FBXO34: variants seen among roughly 807,000 people sequenced by gnomAD.
FBXO34 encodes F-box only protein 34.
In FBXO34, 12 loss-of-function variants were observed where a neutral mutation model predicts 24.5. That is an observed-to-expected ratio of 0.49 (90% CI 0.31 to 0.79). The LOEUF (loss-of-function observed/expected upper bound fraction) is 0.79. Among genes scored for constraint, FBXO34 ranks in the 30% least tolerant of loss-of-function variants. FBXO34 has a pLI of 0.04. For missense variants in FBXO34, 823 were observed against 857.7 expected, an observed-to-expected ratio of 0.96 and a Z score of 0.51; for synonymous variants, 320 against 311.9, an observed-to-expected ratio of 1.03 and a Z score of -0.27.
chr14:55,370,931 A>T (rs1475628446), downstream of FBXO34, among the ~76,000 whole-genome samples: 3 of 152,034 alleles, frequency 2.0e-5, no homozygotes, highest in Admixed American at 2.0e-4. Flanking sequence ...GTGAGCCACC[A>T]CGCCCGGCCG....
intron 1 of FBXO34, among the ~76,000 whole-genome samples, chr14:55,315,985 T>G (rs1882913681): frequency 6.6e-6 from 1 of 152,220 alleles, no homozygotes; most frequent in African/African-American, 2.4e-5. Flanking sequence ...CATTTTGGAC[T>G]GGTCTTCCAA....
rs115313541 is a variant in FBXO34 at position 55,338,350 on chromosome 14, G to A, written c.-10-12031G>A. Among the ~76,000 whole-genome samples the A allele has an allele frequency of 5.4e-3, 818 of 152,034 alleles. 8 individuals carry two copies. The highest frequency in any genetic ancestry group is 0.019 in the African/African-American group (779 of 41,460). On this transcript the variant is annotated intron_variant, in intron 1 of 1. Coordinates refer to ENST00000313833, the MANE Select transcript of FBXO34 (RefSeq NM_017943.4). ...AGGCATGAGCCACTGCGGCCAGCGAGTATGGACTTCTTTTATGGGTATTGT... is the reference window on the plus strand; with the variant it reads ...AGGCATGAGCCACTGCGGCCAGCGAATATGGACTTCTTTTATGGGTATTGT...
At chr14:55,411,329 C>T in the FBXO34 span, among the ~76,000 whole-genome samples, 4 of 152,200 alleles carry the variant, frequency 2.6e-5, no homozygotes, top group Non-Finnish European at 1.5e-5. Flanking sequence ...AGAGAGTCAC[C>T]ACTTATTCCT....
At chr14:55,395,888 C>A in the FBXO34 span, 1 of 1,318,500 alleles carries the variant, frequency 7.6e-7, no homozygotes, top group Non-Finnish European at 1.0e-6. Flanking sequence ...ATAAGCTCTA[C>A]CAACTTAAAA....
chr14:55,413,011 T>C, the FBXO34 span, among the ~76,000 whole-genome samples: 2 of 152,200 alleles, frequency 1.3e-5, no homozygotes, highest in African/African-American at 4.8e-5. Flanking sequence ...CTGAGCCCTT[T>C]GCTCCTCCGT....
intron 1 of FBXO34, among the ~76,000 whole-genome samples, chr14:55,291,430 T>C (rs1020216122): frequency 2.6e-5 from 4 of 152,198 alleles, no homozygotes; most frequent in African/African-American, 9.6e-5. Flanking sequence ...TTAGGCCAAT[T>C]GTAGCAGAAG....
intron 1 of FBXO34, among the ~76,000 whole-genome samples, chr14:55,298,320 G>T (rs964623771): frequency 1.3e-5 from 2 of 151,804 alleles, no homozygotes; most frequent in African/African-American, 4.8e-5. Context: ...GGACACCCCT[G>T]GTGTAGTGGT....
chr14:55,369,639 C>T, downstream of FBXO34: 1 of 1,535,980 alleles, frequency 6.5e-7, no homozygotes, highest in East Asian at 2.3e-5. Flanking sequence ...CCAGTGTAAG[C>T]TTTAAACCAG....
chr14:55,429,111 GACTT>G, the FBXO34 span: 1 of 1,063,142 alleles, frequency 9.4e-7, no homozygotes, highest in Non-Finnish European at 1.3e-6. Flanking sequence ...TTGTGAGGAG[GACTT>G]ACTTCCCATA....
chr14:55,279,085 A>G (rs1226898302), intron 1 of FBXO34, among the ~76,000 whole-genome samples: 1 of 152,132 alleles, frequency 6.6e-6, no homozygotes, highest in African/African-American at 2.4e-5. Context: ...TCACGAGGTC[A>G]GGAGACCAGC....
At chr14:55,407,703 A>T in the FBXO34 span, among the ~76,000 whole-genome samples, 1 of 152,340 alleles carries the variant, frequency 6.6e-6, no homozygotes, top group East Asian at 1.9e-4. Flanking sequence ...TACATTCTGG[A>T]TGTGGCTATC....
chr14:55,409,647 G>T, the FBXO34 span, among the ~76,000 whole-genome samples: 6 of 152,306 alleles, frequency 3.9e-5, no homozygotes, highest in African/African-American at 1.2e-4. Context: ...AGGTCCTGAG[G>T]AAGGAGTGTT....
the FBXO34 span, chr14:55,397,516 C>T: frequency 9.2e-7 from 1 of 1,086,574 alleles, no homozygotes; most frequent in South Asian, 1.3e-5. Flanking sequence ...AAGAACCAAT[C>T]ATTCTGCAGA....
At chr14:55,421,998 AAAATT>A in the FBXO34 span, among the ~76,000 whole-genome samples, 1 of 152,216 alleles carries the variant, frequency 6.6e-6, no homozygotes, top group Non-Finnish European at 1.5e-5. Context: ...AAGAAATATA[AAAATT>A]AAAGTAATGA....
chr14:55,296,527 T>C (rs1033857249), intron 1 of FBXO34, among the ~76,000 whole-genome samples: 1 of 151,310 alleles, frequency 6.6e-6, no homozygotes, highest in Non-Finnish European at 1.5e-5. Context: ...CCCGAGTAGC[T>C]GGAATTACAG....
intron 1 of FBXO34, chr14:55,326,179 G>C: frequency 6.6e-6 from 1 of 152,196 alleles, no homozygotes; most frequent in East Asian, 1.9e-4. Flanking sequence ...ATATTACAAA[G>C]CTCTGAAACA....
chr14:55,369,555 T>C, downstream of FBXO34: 1 of 1,353,918 alleles, frequency 7.4e-7, no homozygotes, highest in Non-Finnish European at 9.9e-7. Flanking sequence ...AGAAAATGTT[T>C]ACTAGAGTGT....
the FBXO34 span, among the ~76,000 whole-genome samples, chr14:55,399,215 G>T: frequency 6.6e-6 from 1 of 152,016 alleles, no homozygotes; most frequent in African/African-American, 2.4e-5. Context: ...AAAGCAAATA[G>T]GCAATATTAT....
At chr14:55,420,315 G>A in the FBXO34 span, among the ~76,000 whole-genome samples, 2 of 152,314 alleles carry the variant, frequency 1.3e-5, no homozygotes, top group African/African-American at 2.4e-5. Flanking sequence ...AAAGTGCTGG[G>A]ATTACAGGCG....
Sources: allele counts gnomAD v4.1 joint callset (sites outside exome capture counted in the v4.1 genomes callset), GRCh38; gene constraint gnomAD v4.1.1; transcripts MANE v1.5; gene names NCBI Gene and HGNC (gene_info 2026-07-23, HGNC 2026-07-21).